The following NFATC2 variants were observed in gnomAD, a reference collection of about 807,000 sequenced individuals.
NFATC2 encodes nuclear factor of activated T cells 2.
A neutral mutation model predicts 87.3 loss-of-function variants in NFATC2; 22 were observed. The ratio of observed to expected loss-of-function variants is 0.25; its 90% CI spans 0.18 to 0.36. The LOEUF is 0.36. NFATC2 is among the 10% of genes least tolerant of loss of function. NFATC2 has a pLI of 1.00. For synonymous variants in NFATC2, 565 were observed against 542.2 expected (o/e 1.04, Z -0.58); for missense variants, 1,149 against 1,259.1 (o/e 0.91, Z 1.32).
chr20:51,446,440 G>A (rs1250232121), intron 6 of NFATC2, among the ~76,000 whole-genome samples: 1 of 152,188 alleles, frequency 6.6e-6, no homozygotes, highest in African/African-American at 2.4e-5. Flanking sequence ...AAGGTACATA[G>A]TGTGAGGCCA....
chr20:51,540,647 GTTTTTTTTTTGTTTTT>G (rs2076794887), intron 1 of NFATC2, among the ~76,000 whole-genome samples: 1 of 112,974 alleles, frequency 8.9e-6, no homozygotes, highest in Non-Finnish European at 1.7e-5. Flanking sequence ...AAAAACTGAA[GTTTTTTTTTTGTTTTT>G]TTTTTTTTGA....
chr20:51,449,971 G>T (rs992472136), intron 6 of NFATC2, among the ~76,000 whole-genome samples: 1 of 151,946 alleles, frequency 6.6e-6, no homozygotes, highest in South Asian at 2.1e-4. Flanking sequence ...GGTTCCATGA[G>T]ATAAAGTCTT....
chr20:51,518,827 G>A (rs1017090068), intron 2 of NFATC2, among the ~76,000 whole-genome samples: 3 of 151,666 alleles, frequency 2.0e-5, no homozygotes, highest in South Asian at 2.1e-4. Flanking sequence ...TTAAAATATG[G>A]GCTCTTGCTG....
chr20:51,434,551 A>T (rs1187327991), intron 8 of NFATC2, among the ~76,000 whole-genome samples: 1 of 152,186 alleles, frequency 6.6e-6, no homozygotes, highest in Non-Finnish European at 1.5e-5. Flanking sequence ...ATTATCTATG[A>T]CCTAATCCCC....
In NFATC2 at chr20:51,406,509, T is replaced by A. The variant is rs115313682; in HGVS notation, c.2723-7779A>T. ...CCAAGCCCGGTACACATCTAAAAGG[T>A]GAAATGGTGCTGGTGTATTACAAGA... On this transcript the variant is annotated intron_variant, in intron 9 of 10. Transcript: ENST00000371564. Among the ~76,000 whole-genome samples the A allele has an allele frequency of 3.7e-3, 563 of 152,072 alleles. 3 individuals carry two copies. Among genetic ancestry groups the A allele is most frequent in the African/African-American group, 0.013 (539 of 41,476 alleles).
At chr20:51,537,209 G>T (rs924581594) in intron 1 of NFATC2, among the ~76,000 whole-genome samples, 1 of 151,484 alleles carries the variant, frequency 6.6e-6, no homozygotes, top group Admixed American at 6.6e-5. Context: ...AAAGCACGTG[G>T]GGGGATATGA....
chr20:51,444,183 T>C (rs915365591), intron 6 of NFATC2, among the ~76,000 whole-genome samples: 4 of 152,064 alleles, frequency 2.6e-5, no homozygotes, highest in Non-Finnish European at 4.4e-5. Flanking sequence ...AGTTTCACCA[T>C]GTTGGCCAGG....
chr20:51,549,444 A>G (rs1407362914), intron 1 of NFATC2, among the ~76,000 whole-genome samples: 3 of 152,188 alleles, frequency 2.0e-5, no homozygotes, highest in Non-Finnish European at 4.4e-5. Context: ...AGCTAATTTG[A>G]GTTCTTTACA....
upstream of NFATC2, among the ~76,000 whole-genome samples, chr20:51,544,135 C>T (rs1175234396): frequency 6.6e-6 from 1 of 151,744 alleles, no homozygotes; most frequent in Non-Finnish European, 1.5e-5. Context: ...CTACAGGCGC[C>T]AGCCACCATG....
chr20:51,484,319 A>G (rs1989524231), intron 3 of NFATC2, among the ~76,000 whole-genome samples: 1 of 151,878 alleles, frequency 6.6e-6, no homozygotes, highest in South Asian at 2.1e-4. Flanking sequence ...GCCGCACCCC[A>G]ATGTGACACC....
At chr20:51,517,604 A>AG (rs960920767) in intron 2 of NFATC2, among the ~76,000 whole-genome samples, 2 of 151,430 alleles carry the variant, frequency 1.3e-5, no homozygotes, top group Non-Finnish European at 2.9e-5. Flanking sequence ...AAAAAAAAAA[A>AG]GAAACAAAAC....
At chr20:51,508,394 C>T (rs146094705) in intron 3 of NFATC2, among the ~76,000 whole-genome samples, 260 of 152,252 alleles carry the variant, frequency 1.7e-3, no homozygotes, top group African/African-American at 4.6e-3. Flanking sequence ...ATCCCTCAGC[C>T]GGGGACACGT....
At position 51,469,609 on chromosome 20, in the gene NFATC2, G is replaced by GT. The variant is rs144918547; in HGVS notation, c.1708+4370dup. ...CAGGGTCTTCACATATATAATTAAG[G>GT]TAAGAATGGAGATGAGATCACCCTG... is the stretch of plus-strand genomic sequence containing the variant. On this transcript the variant is annotated intron_variant, in intron 5 of 10. Coordinates refer to ENST00000371564, the MANE Select transcript of NFATC2 (RefSeq NM_012340.5). Among the ~76,000 whole-genome samples, 673 of 152,222 alleles carry GT rather than the reference G, an allele frequency of 4.4e-3. 4 individuals are homozygous for GT. Among genetic ancestry groups the GT allele is most frequent in the African/African-American group, 0.015 (637 of 41,530 alleles).
At chr20:51,545,347 A>G (rs945099588), upstream of NFATC2, among the ~76,000 whole-genome samples, 2 of 152,144 alleles carry the variant, frequency 1.3e-5, no homozygotes, top group African/African-American at 4.8e-5. Context: ...ACTACTCTAA[A>G]CATAATCTTG....
intron 9 of NFATC2, among the ~76,000 whole-genome samples, chr20:51,414,420 G>A (rs1568944333): frequency 6.6e-6 from 1 of 152,194 alleles, no homozygotes; most frequent in East Asian, 1.9e-4. Context: ...CAGGCATGGT[G>A]GCTCACGCCT....
chr20:51,432,792 G>T lies in NFATC2; in HGVS notation c.2033-36C>A, dbSNP rs1295813843. The T allele has an allele frequency of 1.3e-6, 2 of 1,511,738 alleles. No homozygotes were observed. Among genetic ancestry groups the T allele is most frequent in the African/African-American group, 2.8e-5 (2 of 71,988 alleles). The allele number at this position is 1,511,738 out of a possible 1,614,324, so 93.6% of individuals were successfully genotyped here. On this transcript the variant is annotated intron_variant, in intron 8 of 10. Transcript: ENST00000371564. This position sits in a 1 kb window ranked among gnomAD's most constrained non-coding sequence, Gnocchi z 4.6. ...AAAAGAGCACATAGGGGCGCCCATG[G>T]CAGTGAGCCACGGATGTGCACGGAG... is the stretch of plus-strand genomic sequence containing the variant.
At chr20:51,412,389 GGAACA>G (rs1382197561) in intron 9 of NFATC2, among the ~76,000 whole-genome samples, 1 of 152,202 alleles carries the variant, frequency 6.6e-6, no homozygotes, top group Non-Finnish European at 1.5e-5. Flanking sequence ...CTCCCTAATA[GGAACA>G]GAACAGGAAA....
intron 6 of NFATC2, among the ~76,000 whole-genome samples, chr20:51,442,384 A>G (rs1462817328): frequency 1.3e-5 from 2 of 152,234 alleles, no homozygotes; most frequent in Non-Finnish European, 2.9e-5. Context: ...GTAAGCTGAG[A>G]TCGCACCACT....
chr20:51,547,980 G>A (rs2076903023), intron 1 of NFATC2, among the ~76,000 whole-genome samples: 1 of 152,016 alleles, frequency 6.6e-6, no homozygotes, highest in African/African-American at 2.4e-5. Flanking sequence ...GCAACCAGAG[G>A]GAGCCTTTAA....
Sources: allele counts gnomAD v4.1 joint callset (sites outside exome capture counted in the v4.1 genomes callset), GRCh38; gene constraint gnomAD v4.1.1; non-coding constraint Gnocchi (gnomAD v3.1); transcripts MANE v1.5; gene names NCBI Gene and HGNC (gene_info 2026-07-23, HGNC 2026-07-21).